CFHR3: variants seen among roughly 807,000 people sequenced by gnomAD.
CFHR3 encodes the protein complement factor H related 3.
Under a neutral mutation model 36.0 loss-of-function variants are expected in CFHR3, and 22 were observed. That is an observed-to-expected ratio of 0.61 (90% CI 0.44 to 0.87). The LOEUF (loss-of-function observed/expected upper bound fraction) is 0.87. Among genes scored for constraint, CFHR3 ranks in the 40% least tolerant of loss-of-function variants. CFHR3 has a pLI of 0.00. For synonymous variants in CFHR3, 97 were observed against 137.4 expected (o/e 0.71, Z 2.06); for missense variants, 276 against 401.3 (o/e 0.69, Z 2.67).
In CFHR3 at chr1:196,794,246, A is replaced by T. The variant is rs537462815; in HGVS notation, c.*733A>T. ...TTGAGAGGCCAAGCTGGCAATCATC[A>T]GAGGTCAAAAGTTCAAGACCAGCCT... On this transcript the variant is annotated 3_prime_UTR_variant, in exon 6 of 6. Transcript: ENST00000367425. Among the ~76,000 whole-genome samples, 156 of 136,680 alleles carry T rather than the reference A, an allele frequency of 1.1e-3. 16 individuals carry two copies. Among genetic ancestry groups the T allele is most frequent in the Non-Finnish European group, 2.0e-3 (132 of 64,396 alleles). The allele number at this position is 136,680 out of a possible 152,430, so 89.7% of individuals were successfully genotyped here. A position where few individuals can be genotyped will look rare whatever the true frequency, so the allele number is the denominator to read the frequency against.
At chr1:196,786,818 G>T (rs1654225091) in intron 3 of CFHR3, among the ~76,000 whole-genome samples, 1 of 136,916 alleles carries the variant, frequency 7.3e-6, no homozygotes, top group African/African-American at 3.1e-5. Flanking sequence ...CCATTGTCCT[G>T]CACCCACTGT....
intron 3 of CFHR3, among the ~76,000 whole-genome samples, chr1:196,784,599 T>A (rs1654110637): frequency 7.3e-6 from 1 of 136,334 alleles, no homozygotes; most frequent in Non-Finnish European, 1.5e-5. Context: ...GTTTAAAGTT[T>A]GTTTCATCAG....
At position 196,790,136 on chromosome 1, in the gene CFHR3, C is replaced by T. The variant is rs746655582; in HGVS notation, c.705C>T (p.Val235=). The part of the protein sequence containing the change: ...LLKVYVPQSR[V]EYQCQPYYEL... ...AAGTGTATGTGCCACAGTCAAGAGT[C>T]GAGTACCAATGCCAGCCCTACTATG... The change falls in exon 5 of 6, where the codon GTC becomes GTT. Residue 235 remains valine, a synonymous_variant. Transcript: ENST00000367425. 24 of 1,373,946 alleles carry T rather than the reference C, an allele frequency of 1.7e-5. 5 individuals are homozygous for T. The African/African-American group carries it at 1.9e-4, about 11-fold the overall frequency. 85.1% of individuals were successfully genotyped at this position (1,373,946 alleles called of 1,614,324 possible). A position where few individuals can be genotyped will look rare whatever the true frequency, so the allele number is the denominator to read the frequency against.
chr1:196,788,805 A>G (rs1368893354), intron 4 of CFHR3: 2 of 1,457,532 alleles, frequency 1.4e-6, no homozygotes, highest in East Asian at 4.9e-5. Context: ...GGGAGAAATG[A>G]GTGCTTAATT....
Position 196,793,365 on chromosome 1 carries a change from T to G in CFHR3, c.845T>G (p.Leu282Ter). The G allele has an allele frequency of 6.6e-7, 1 of 1,522,908 alleles. No homozygotes were observed. Among genetic ancestry groups the G allele is most frequent in the Middle Eastern group, 1.9e-4 (1 of 5,298 alleles). 94.3% of individuals were successfully genotyped at this position (1,522,908 alleles called of 1,614,324 possible). ...EENMNKNNIK[L>*]KGRSDRKYYA... ...AACATGAATAAAAATAACATAAAGT[T>G]AAAAGGAAGAAGTGACAGAAAATAT... Residue 282 changes from leucine (L) to a stop codon, truncating the protein, a stop_gained, in exon 6 of 6, where the codon TTA (leucine) becomes TGA (stop). Coordinates refer to ENST00000367425, the MANE Select transcript of CFHR3 (RefSeq NM_021023.6). LOFTEE classifies it low-confidence loss of function (END_TRUNC).
Position 196,778,429 on chromosome 1 carries a change from C to A in CFHR3, c.59-733C>A, listed in dbSNP as rs147696570. 9.2e-4 allele frequency among the ~76,000 whole-genome samples: 126 copies of A among 136,912 alleles called. 15 individuals are homozygous for A. In the East Asian group the frequency reaches 0.022, roughly 24 times the overall value. 89.8% of individuals were successfully genotyped at this position (136,912 alleles called of 152,430 possible). ...ATAAATAGGCTGTAAATATTATTTT[C>A]TATCACTTGTTCCAGAATTATAGAA... is the stretch of plus-strand genomic sequence containing the variant. On this transcript the variant is annotated intron_variant, in intron 1 of 5. Coordinates refer to ENST00000367425, the MANE Select transcript of CFHR3 (RefSeq NM_021023.6).
intron 5 of CFHR3, among the ~76,000 whole-genome samples, chr1:196,792,243 G>A (rs1450002946): frequency 9.9e-6 from 1 of 101,486 alleles, no homozygotes; most frequent in Non-Finnish European, 1.9e-5. Flanking sequence ...ATTTATTTAA[G>A]TAAGTACTTG....
In CFHR3 at chr1:196,789,918, G is replaced by A. The variant is rs570223274; in HGVS notation, c.614-127G>A. On this transcript the variant is annotated intron_variant, in intron 4 of 5. Coordinates refer to ENST00000367425, the MANE Select transcript of CFHR3 (RefSeq NM_021023.6). ...TTGAGACTTAAAAAGAAAAAACAAC[G>A]TTGAAAATGCAGATGTCTTCCTAAG... The A allele has an allele frequency of 1.6e-5, 20 of 1,249,248 alleles. 1 individual carries two copies. Among genetic ancestry groups the A allele is most frequent in the Middle Eastern group, 3.2e-4 (1 of 3,078 alleles). 77.4% of individuals were successfully genotyped at this position (1,249,248 alleles called of 1,614,324 possible).
rs1311617614 is a variant in CFHR3 at position 196,782,780 on chromosome 1, T to C, written c.430+2807T>C. 2.2e-5 allele frequency among the ~76,000 whole-genome samples: 3 copies of C among 137,240 alleles called. 1 individual carries two copies. Among genetic ancestry groups the C allele is most frequent in the African/African-American group, 6.1e-5 (2 of 32,912 alleles). The allele number at this position is 137,240 out of a possible 152,430, so 90.0% of individuals were successfully genotyped here. On this transcript the variant is annotated intron_variant, in intron 3 of 5. Coordinates refer to ENST00000367425, the MANE Select transcript of CFHR3 (RefSeq NM_021023.6). The stretch of plus-strand genomic sequence containing the variant: ...ACAATTTGACTTCCTCTTTTCCTAA[T>C]TGAATACCCTTTATTTCTTTCTCCT...
At chr1:196,777,018 G>A (rs1653749141) in intron 1 of CFHR3, among the ~76,000 whole-genome samples, 1 of 134,290 alleles carries the variant, frequency 7.4e-6, no homozygotes, top group African/African-American at 3.2e-5. Flanking sequence ...TTTTTCATAT[G>A]ATTAATGAAG....
rs1179377757 is a variant in CFHR3 at position 196,794,108 on chromosome 1, A to T, written c.*595A>T. On this transcript the variant is annotated 3_prime_UTR_variant, in exon 6 of 6. Coordinates refer to ENST00000367425, the MANE Select transcript of CFHR3 (RefSeq NM_021023.6). Reference sequence around the variant, plus strand: ...AAAGAGGTTTTGCTAACCCTTTCAGAGCATTGGGAACACAGCCAGAAGTGC... The same window carrying T: ...AAAGAGGTTTTGCTAACCCTTTCAGTGCATTGGGAACACAGCCAGAAGTGC... The T allele has an allele frequency of 7.0e-6, 1 of 142,056 alleles. No homozygotes were observed. Among genetic ancestry groups the T allele is most frequent in the Non-Finnish European group, 1.5e-5 (1 of 67,984 alleles). 8.8% of individuals were successfully genotyped at this position (142,056 alleles called of 1,614,324 possible). A position where few individuals can be genotyped will look rare whatever the true frequency, so the allele number is the denominator to read the frequency against.
intron 3 of CFHR3, among the ~76,000 whole-genome samples, chr1:196,781,704 C>T (rs1289922448): frequency 7.5e-6 from 1 of 133,870 alleles, no homozygotes; most frequent in Non-Finnish European, 1.6e-5. Flanking sequence ...GGATATTAGC[C>T]CTTTGTCAGA....
Position 196,777,836 on chromosome 1 carries a change from A to C in CFHR3, c.59-1326A>C, listed in dbSNP as rs114650039. 9.2e-3 allele frequency among the ~76,000 whole-genome samples: 1,219 copies of C among 132,906 alleles called. 316 individuals carry two copies. The highest frequency in any genetic ancestry group is 0.038 in the African/African-American group (1,179 of 31,000). 87.2% of individuals were successfully genotyped at this position (132,906 alleles called of 152,430 possible). A position where few individuals can be genotyped will look rare whatever the true frequency, so the allele number is the denominator to read the frequency against. ...ACGCTGTCTCTACTAACAATTCAAA[A>C]AATTAGCCGGAGTGGCGGCACACAC... is the stretch of plus-strand genomic sequence containing the variant. On this transcript the variant is annotated intron_variant, in intron 1 of 5. Coordinates refer to ENST00000367425, the MANE Select transcript of CFHR3 (RefSeq NM_021023.6).
At chr1:196,782,578 G>A (rs1654000780) in intron 3 of CFHR3, among the ~76,000 whole-genome samples, 2 of 136,718 alleles carry the variant, frequency 1.5e-5, no homozygotes, top group Non-Finnish European at 3.1e-5. Context: ...GTGAATGGGA[G>A]TTCACTCATG....
chr1:196,795,012 G>A lies in CFHR3; in HGVS notation c.*1499G>A, dbSNP rs1384056817. On this transcript the variant is annotated 3_prime_UTR_variant, in exon 6 of 6. Transcript: ENST00000367425. ...TCAAATAACAGGTTTGCAGAGACTG[G>A]AGAATAAAAAGTAAAAAATTGTTTT... 1 of 136,630 alleles carries A rather than the reference G, an allele frequency of 7.3e-6. No individual in the cohort carries two copies. The highest frequency in any genetic ancestry group is 3.1e-5 in the African/African-American group (1 of 32,556). The allele number at this position is 136,630 out of a possible 1,614,324, so 8.5% of individuals were successfully genotyped here. A position where few individuals can be genotyped will look rare whatever the true frequency, so the allele number is the denominator to read the frequency against.
chr1:196,788,846 A>G, intron 4 of CFHR3: 2 of 1,452,388 alleles, frequency 1.4e-6, no homozygotes, highest in East Asian at 2.5e-5. Context: ...GGAGAATCAG[A>G]CCTTAATAAT....
intron 5 of CFHR3, among the ~76,000 whole-genome samples, chr1:196,790,975 A>T (rs1654408916): frequency 7.3e-6 from 1 of 136,314 alleles, no homozygotes; most frequent in African/African-American, 3.1e-5. Context: ...GTTTTCAAAC[A>T]GTTCTGAAAA....
At chr1:196,778,566 AT>A (rs1387612030) in intron 1 of CFHR3, among the ~76,000 whole-genome samples, 1 of 136,010 alleles carries the variant, frequency 7.4e-6, no homozygotes, top group Non-Finnish European at 1.6e-5. Context: ...GTATGCACCT[AT>A]TTTTTTATGT....
intron 3 of CFHR3, among the ~76,000 whole-genome samples, chr1:196,788,013 C>A (rs1400151385): frequency 7.3e-6 from 1 of 137,048 alleles, no homozygotes; most frequent in Non-Finnish European, 1.5e-5. Flanking sequence ...TTCATTCTGC[C>A]CTTCCCTGTG....
Sources: allele counts gnomAD v4.1 joint callset (sites outside exome capture counted in the v4.1 genomes callset), GRCh38; gene constraint gnomAD v4.1.1; transcripts MANE v1.5; gene names NCBI Gene and HGNC (gene_info 2026-07-23, HGNC 2026-07-21).